Variants in LRBA observed in about 807,000 individuals in gnomAD.
LRBA encodes the protein LPS responsive beige-like anchor protein, also known as lipopolysaccharide-responsive and beige-like anchor protein.
In LRBA, 176 loss-of-function variants were observed where a neutral mutation model predicts 330.0. The observed-to-expected ratio is 0.53, with a 90% CI of 0.47 to 0.60. LRBA has a LOEUF of 0.60. LRBA is among the 20% of genes least tolerant of loss of function. The probability of loss-of-function intolerance (pLI) is 0.00; values close to 1 mark genes in which losing one functional copy is unlikely to be tolerated. For synonymous variants in LRBA, 1,230 were observed against 1,193.0 expected, an observed-to-expected ratio of 1.03 and a Z score of -0.64; for missense variants, 3,259 against 3,444.8, an observed-to-expected ratio of 0.95 and a Z score of 1.35.
chr4:150,509,239 T>A, intron 40 of LRBA, among the ~76,000 whole-genome samples: 1 of 151,518 alleles, frequency 6.6e-6, no homozygotes, highest in African/African-American at 2.4e-5. Flanking sequence ...AATAAGAAAA[T>A]TTAAAAAAAG....
chr4:150,511,486 C>T lies in LRBA; in HGVS notation c.6331-20451G>A, dbSNP rs184499411. ...ACAACATAACACTCCTTCAATCACGCCATGCTGCTTCATGCTTAAGCATCT... is the reference window on the plus strand; with the variant it reads ...ACAACATAACACTCCTTCAATCACGTCATGCTGCTTCATGCTTAAGCATCT... On this transcript the variant is annotated intron_variant, in intron 40 of 56. Transcript: ENST00000651943. Among the ~76,000 whole-genome samples, 5 of 152,274 alleles carry T rather than the reference C, an allele frequency of 3.3e-5. No homozygotes were observed. In the East Asian group the frequency reaches 9.7e-4, roughly 29 times the overall value.
At chr4:150,390,130 C>A (rs1323608610) in intron 47 of LRBA, among the ~76,000 whole-genome samples, 2 of 151,874 alleles carry the variant, frequency 1.3e-5, no homozygotes, top group Middle Eastern at 3.4e-3. Context: ...GTTATCACAC[C>A]GATTAAATAA....
chr4:150,727,955 T>C (rs1729923387), intron 36 of LRBA, among the ~76,000 whole-genome samples: 1 of 152,030 alleles, frequency 6.6e-6, no homozygotes, highest in African/African-American at 2.4e-5. Context: ...ATAAACAAAA[T>C]TGGCAACCTT....
chr4:150,770,010 T>C (rs929580967), intron 34 of LRBA, among the ~76,000 whole-genome samples: 4 of 152,204 alleles, frequency 2.6e-5, no homozygotes, highest in Admixed American at 1.3e-4. Context: ...TGTGAGGTTG[T>C]TCCACAACAG....
intron 37 of LRBA, among the ~76,000 whole-genome samples, chr4:150,632,547 T>A (rs1401261999): frequency 6.6e-6 from 1 of 152,152 alleles, no homozygotes; most frequent in Non-Finnish European, 1.5e-5. Context: ...TAAGATTTTT[T>A]TAAAAATTAG....
chr4:150,908,480 A>G lies in LRBA; in HGVS notation c.1360-13T>C. 2 of 1,580,282 alleles carry G rather than the reference A, an allele frequency of 1.3e-6. No homozygotes were observed. Among genetic ancestry groups the G allele is most frequent in the Non-Finnish European group, 1.7e-6 (2 of 1,168,738 alleles). On this transcript the variant is annotated splice_polypyrimidine_tract_variant and intron_variant, in intron 10 of 56. Transcript: ENST00000651943. ...CTGCCTTTACATCCTTGTAAGATCA[A>G]AAACACAGTAAAGAGTTCAATGATT...
At chr4:150,845,380 C>G (rs1056705476) in intron 26 of LRBA, among the ~76,000 whole-genome samples, 1 of 152,028 alleles carries the variant, frequency 6.6e-6, no homozygotes, top group Admixed American at 6.6e-5. Flanking sequence ...AAATGGGAGA[C>G]AGGAAAGGGA....
intron 48 of LRBA, among the ~76,000 whole-genome samples, chr4:150,347,602 C>A (rs914843157): frequency 1.1e-4 from 16 of 148,790 alleles, no homozygotes; most frequent in African/African-American, 3.5e-4. Flanking sequence ...GCTGAGCTTG[C>A]GCAACTGCAC....
At chr4:150,702,993 T>A (rs1289253698) in intron 36 of LRBA, among the ~76,000 whole-genome samples, 2 of 152,084 alleles carry the variant, frequency 1.3e-5, no homozygotes, top group Non-Finnish European at 2.9e-5. Context: ...AGCCCCCATC[T>A]CTACTAAAAA....
At chr4:150,319,576 TTTAC>T (rs1313761582) in intron 50 of LRBA, among the ~76,000 whole-genome samples, 25 of 152,188 alleles carry the variant, frequency 1.6e-4, no homozygotes, top group Non-Finnish European at 3.2e-4. Flanking sequence ...GTAAGAGAAG[TTTAC>T]TTAAAGAAAA....
At chr4:150,860,220 G>A (rs1037191305) in intron 22 of LRBA, among the ~76,000 whole-genome samples, 2 of 152,110 alleles carry the variant, frequency 1.3e-5, no homozygotes, top group Admixed American at 6.6e-5. Flanking sequence ...AGACATGTAT[G>A]AAACACTAAA....
intron 40 of LRBA, among the ~76,000 whole-genome samples, chr4:150,516,999 A>T (rs1762426636): frequency 6.6e-6 from 1 of 152,202 alleles, no homozygotes; most frequent in South Asian, 2.1e-4. Flanking sequence ...TGGTATATTT[A>T]TGATGTATCT....
At chr4:150,284,610 C>G (rs1747924375) in intron 54 of LRBA, among the ~76,000 whole-genome samples, 1 of 152,126 alleles carries the variant, frequency 6.6e-6, no homozygotes, top group South Asian at 2.1e-4. Flanking sequence ...TCATGGCTTA[C>G]TACAGCCTTC....
chr4:150,753,266 T>C (rs1198739511), intron 35 of LRBA, among the ~76,000 whole-genome samples: 4 of 152,206 alleles, frequency 2.6e-5, no homozygotes, highest in Admixed American at 1.3e-4. Flanking sequence ...CCAATTAAAA[T>C]AAACCCTATT....
At position 150,265,621 on chromosome 4, in the gene LRBA, C is replaced by CTT. The variant is rs1745205003; in HGVS notation, c.*99_*100dup. 1.3e-6 allele frequency: 1 copy of CTT among 791,498 alleles called. No individual in the cohort carries two copies. The highest frequency in any genetic ancestry group is 2.2e-5 in the Admixed American group (1 of 45,762). 49.0% of individuals were successfully genotyped at this position (791,498 alleles called of 1,614,324 possible). ...AATAACTTTAAAAAATATTTTGCTT[C>CTT]TTTGAGCAAATTTAAGTTACATTCA... On this transcript the variant is annotated 3_prime_UTR_variant, in exon 57 of 57. Coordinates refer to ENST00000651943, the MANE Select transcript of LRBA (RefSeq NM_001364905.1).
intron 56 of LRBA, among the ~76,000 whole-genome samples, chr4:150,269,484 A>G (rs964542165): frequency 6.6e-6 from 1 of 152,220 alleles, no homozygotes; most frequent in Non-Finnish European, 1.5e-5. Flanking sequence ...AAAACTAAAA[A>G]CAGATCAAAA....
chr4:150,917,636 A>G (rs115660431), intron 5 of LRBA, among the ~76,000 whole-genome samples: 2,104 of 152,280 alleles, frequency 0.014, 40 homozygotes, highest in African/African-American at 0.049. Flanking sequence ...CAATCTTTTA[A>G]AAAGAACAGG....
intron 44 of LRBA, among the ~76,000 whole-genome samples, chr4:150,461,790 C>T (rs971004428): frequency 6.6e-6 from 1 of 151,526 alleles, no homozygotes; most frequent in Non-Finnish European, 1.5e-5. Context: ...TTAAAAGGTA[C>T]CCAGATTACT....
At chr4:150,950,942 T>G (rs570111527) in intron 2 of LRBA, among the ~76,000 whole-genome samples, 2 of 152,342 alleles carry the variant, frequency 1.3e-5, no homozygotes, top group South Asian at 2.1e-4. Context: ...CAAGACTGTT[T>G]TTTAATTTAT....
Sources: allele counts gnomAD v4.1 joint callset (sites outside exome capture counted in the v4.1 genomes callset), GRCh38; gene constraint gnomAD v4.1.1; transcripts MANE v1.5; gene names NCBI Gene and HGNC (gene_info 2026-07-23, HGNC 2026-07-21).